EMCN: variants seen among roughly 807,000 people sequenced by gnomAD.
EMCN encodes MUC-14.
EMCN carries 37 observed loss-of-function variants against 38.4 expected under a neutral mutation model. The observed-to-expected ratio is 0.96, with a 90% CI of 0.74 to 1.27. The LOEUF (loss-of-function observed/expected upper bound fraction) is 1.27, where lower values mean the gene tolerates loss of function less well. EMCN is among the 50% of genes most tolerant of loss of function. EMCN has a pLI of 0.00. For synonymous variants in EMCN, 95 were observed against 100.8 expected (o/e 0.94, Z 0.35); for missense variants, 318 against 302.8 (o/e 1.05, Z -0.37).
chr4:100,434,560 GA>G (rs1295724802), intron 5 of EMCN, among the ~76,000 whole-genome samples: 1 of 152,102 alleles, frequency 6.6e-6, no homozygotes, highest in Non-Finnish European at 1.5e-5. Flanking sequence ...AAACCTGGCA[GA>G]GATACAACAA....
chr4:100,401,082 C>T (rs1726245213), intron 11 of EMCN, among the ~76,000 whole-genome samples: 1 of 151,930 alleles, frequency 6.6e-6, no homozygotes, highest in African/African-American at 2.4e-5. Flanking sequence ...TATAAACAAT[C>T]AGAATGGCCA....
At chr4:100,487,554 G>T (rs1273951418) in intron 1 of EMCN, among the ~76,000 whole-genome samples, 2 of 152,170 alleles carry the variant, frequency 1.3e-5, no homozygotes, top group Non-Finnish European at 2.9e-5. Context: ...CTTGAATTGT[G>T]ATCTCCATAA....
chr4:100,502,683 A>G (rs1264841070), intron 1 of EMCN, among the ~76,000 whole-genome samples: 7 of 152,218 alleles, frequency 4.6e-5, no homozygotes, highest in Non-Finnish European at 1.0e-4. Context: ...ACAAAATGCT[A>G]ACATTTTACT....
At chr4:100,479,710 C>T (rs1728754903) in intron 2 of EMCN, among the ~76,000 whole-genome samples, 1 of 151,520 alleles carries the variant, frequency 6.6e-6, no homozygotes, top group African/African-American at 2.4e-5. Context: ...GGTTGTGATC[C>T]CAAAGAATAT....
chr4:100,468,205 C>A (rs1246941071), intron 3 of EMCN, among the ~76,000 whole-genome samples: 1 of 152,132 alleles, frequency 6.6e-6, no homozygotes, highest in South Asian at 2.1e-4. Context: ...AGAAAAGAAA[C>A]CTTGATTCCA....
intron 8 of EMCN, among the ~76,000 whole-genome samples, chr4:100,420,469 T>C (rs1419969395): frequency 6.6e-6 from 1 of 152,028 alleles, no homozygotes; most frequent in Non-Finnish European, 1.5e-5. Flanking sequence ...TACATGCTAC[T>C]ACATTATACG....
intron 1 of EMCN, among the ~76,000 whole-genome samples, chr4:100,483,693 A>T (rs1728872469): frequency 6.6e-6 from 1 of 152,182 alleles, no homozygotes; most frequent in African/African-American, 2.4e-5. Context: ...TTGTCTTACC[A>T]TGTGGTGGAA....
intron 1 of EMCN, among the ~76,000 whole-genome samples, chr4:100,506,480 T>C (rs569537338): frequency 3.9e-5 from 6 of 152,136 alleles, no homozygotes; most frequent in Non-Finnish European, 8.8e-5. Context: ...CATATATGTT[T>C]GTAGAAAAAA....
chr4:100,417,147 A>T lies in EMCN; in HGVS notation c.665-6T>A, dbSNP rs914934984. ...ATTTCCATTTTCTGGTGTGCCTAGG[A>T]GAAGAGGGAGTTGTTATTAGAGTTG... On this transcript the variant is annotated splice_region_variant and splice_polypyrimidine_tract_variant and intron_variant, in intron 8 of 11. Transcript: ENST00000296420. 3 of 1,613,662 alleles carry T rather than the reference A, an allele frequency of 1.9e-6. No homozygotes were observed. The African/African-American group carries it at 4.0e-5, about 22-fold the overall frequency.
intron 1 of EMCN, among the ~76,000 whole-genome samples, chr4:100,500,729 C>T (rs1729329242): frequency 6.6e-6 from 1 of 151,964 alleles, no homozygotes; most frequent in African/African-American, 2.4e-5. Context: ...GTCATTGTCA[C>T]TGGTATATAC....
rs145515466 is a variant in EMCN at position 100,415,210 on chromosome 4, A to C, written c.751+688T>G. The stretch of plus-strand genomic sequence containing the variant: ...TAGCTCCCGGCCAGATTATTTTATA[A>C]AACTAATAATTTGTTTTTAATTGAT... On this transcript the variant is annotated intron_variant, in intron 10 of 11. Transcript: ENST00000296420. 2.7e-3 allele frequency among the ~76,000 whole-genome samples: 415 copies of C among 152,336 alleles called. 5 individuals carry two copies. Among genetic ancestry groups the C allele is most frequent in the Admixed American group, 0.022 (343 of 15,280 alleles).
At chr4:100,416,080 G>A (rs1726722934) in intron 9 of EMCN, 121 bp from the exon 10 acceptor site, 3 of 542,156 alleles carry the variant, frequency 5.5e-6, no homozygotes, top group Admixed American at 7.7e-5. Flanking sequence ...TAATGTGTGT[G>A]TATATATATA....
At position 100,410,281 on chromosome 4, in the gene EMCN, C is replaced by T. The variant is rs374744629; in HGVS notation, c.*39+1G>A. The T allele has an allele frequency of 3.9e-5, 63 of 1,595,174 alleles. 1 individual carries two copies. Among genetic ancestry groups the T allele is most frequent in the South Asian group, 3.0e-4 (27 of 90,634 alleles). On this transcript the variant is annotated splice_donor_variant, in intron 11 of 11. Transcript: ENST00000296420. LOFTEE classifies it low-confidence loss of function (3UTR_SPLICE). Reference sequence around the variant, plus strand: ...TCCGTGAATGAAATTGGGAAACTTACGTAATTATTGCCTAGGTGTGGAGAG... The same window carrying T: ...TCCGTGAATGAAATTGGGAAACTTATGTAATTATTGCCTAGGTGTGGAGAG...
intron 11 of EMCN, among the ~76,000 whole-genome samples, 169 bp downstream of exon 11, chr4:100,410,113 T>C (rs1482954185): frequency 2.0e-5 from 3 of 152,226 alleles, no homozygotes; most frequent in African/African-American, 7.2e-5. Context: ...ATTCATTTTT[T>C]GGCAATTTTT....
chr4:100,479,197 T>C (rs1383149440), intron 2 of EMCN, among the ~76,000 whole-genome samples: 1 of 152,138 alleles, frequency 6.6e-6, no homozygotes. Context: ...CATCAAGATA[T>C]ATGATTTTCT....
At chr4:100,481,784 G>T (rs1728811407) in intron 1 of EMCN, among the ~76,000 whole-genome samples, 1 of 151,936 alleles carries the variant, frequency 6.6e-6, no homozygotes, top group African/African-American at 2.4e-5. Flanking sequence ...CTCACCTATG[G>T]ACTTCCTAAA....
intron 4 of EMCN, among the ~76,000 whole-genome samples, chr4:100,458,417 G>A (rs989058956): frequency 3.3e-5 from 5 of 152,002 alleles, no homozygotes; most frequent in African/African-American, 1.2e-4. Flanking sequence ...AATCTAAATT[G>A]ATAAATGATT....
At chr4:100,447,641 G>A (rs1371993479) in intron 4 of EMCN, 70 bp from the exon 5 acceptor site, 1 of 951,540 alleles carries the variant, frequency 1.1e-6, no homozygotes, top group Non-Finnish European at 1.6e-6. Flanking sequence ...TCTCACAATT[G>A]TTTCAGGTGG....
intron 4 of EMCN, among the ~76,000 whole-genome samples, chr4:100,454,288 A>T (rs762366558): frequency 6.6e-6 from 1 of 150,908 alleles, no homozygotes; most frequent in Non-Finnish European, 1.5e-5. Flanking sequence ...GAAGTTTTGC[A>T]AGGAAGTTTT....
Sources: gnomAD v4.1 joint callset for allele counts (sites outside exome capture counted in the v4.1 genomes callset) on GRCh38, gnomAD v4.1.1 for gene constraint, MANE v1.5 for transcripts, NCBI Gene and HGNC (gene_info 2026-07-23, HGNC 2026-07-21) for gene names.